The following SHTN1 variants were observed in gnomAD, a reference collection of about 807,000 sequenced individuals.
The protein encoded by SHTN1 is shootin-1.
Under a neutral mutation model 83.1 loss-of-function variants are expected in SHTN1, and 42 were observed. The ratio of observed to expected loss-of-function variants is 0.51; its 90% confidence interval spans 0.39 to 0.65. The LOEUF (loss-of-function observed/expected upper bound fraction) is 0.65. SHTN1 is among the 30% of genes least tolerant of loss of function. SHTN1 has a pLI of 0.00. For missense variants in SHTN1, 622 were observed against 737.8 expected, an observed-to-expected ratio of 0.84 and a Z score of 1.82; for synonymous variants, 224 against 247.7, an observed-to-expected ratio of 0.90 and a Z score of 0.90.
intron 1 of SHTN1, among the ~76,000 whole-genome samples, chr10:117,063,463 T>C (rs1852930337): frequency 6.6e-6 from 1 of 152,204 alleles, no homozygotes; most frequent in Non-Finnish European, 1.5e-5. Context: ...GTAGTATTAA[T>C]ATCAGGTTAT....
At chr10:116,994,500 G>A (rs1851558304) in intron 1 of SHTN1, among the ~76,000 whole-genome samples, 1 of 152,058 alleles carries the variant, frequency 6.6e-6, no homozygotes, top group Non-Finnish European at 1.5e-5. Flanking sequence ...TTAGTCAACT[G>A]TAGAGACAGA....
intron 1 of SHTN1, among the ~76,000 whole-genome samples, chr10:117,078,113 T>C (rs942124691): frequency 6.6e-6 from 1 of 152,234 alleles, no homozygotes; most frequent in East Asian, 1.9e-4. Flanking sequence ...CAAATCATTA[T>C]GCCCAGATCA....
In SHTN1 at chr10:116,929,900, C is replaced by T; in HGVS notation, c.961G>A (p.Glu321Lys). ...ELLEEDKKEL[E>K]LKYQNSEEKA... is the part of the protein sequence containing the mutation. ...TCTTCAGAATTCTGATATTTCAATT[C>T]CAATTCCTTTTTATCTTCCTCTAGA... The change falls in exon 10 of 17, where the codon GAA becomes AAA. Residue 321 changes from glutamate to lysine, a missense_variant. Transcript: ENST00000355371. The T allele has an allele frequency of 6.2e-7, 1 of 1,610,016 alleles. No individual in the cohort carries two copies. The highest frequency in any genetic ancestry group is 8.5e-7 in the Non-Finnish European group (1 of 1,178,008).
rs1589934880 is a variant in SHTN1, at chr10:117,106,508, G to A, written c.-189+19799C>T. Among the ~76,000 whole-genome samples, 7 of 152,098 alleles carry A rather than the reference G, an allele frequency of 4.6e-5. No homozygotes were observed. In the South Asian group the frequency reaches 1.2e-3, roughly 27 times the overall value. On this transcript the variant is annotated intron_variant, in intron 1 of 17. Transcript: ENST00000392901. ...CTAATGATGTCCTATGTTGAGACCAGAGCCACTGAGGGACAGCAGAAACAG... is the reference window on the plus strand; with the variant it reads ...CTAATGATGTCCTATGTTGAGACCAAAGCCACTGAGGGACAGCAGAAACAG...
chr10:117,079,795 G>A (rs1433577458), intron 1 of SHTN1, among the ~76,000 whole-genome samples: 1 of 146,670 alleles, frequency 6.8e-6, no homozygotes, highest in African/African-American at 2.5e-5. Flanking sequence ...CAGTGATGAT[G>A]AGCACTTTTT....
chr10:117,093,218 A>G (rs952763785), intron 1 of SHTN1, among the ~76,000 whole-genome samples: 5 of 152,182 alleles, frequency 3.3e-5, no homozygotes, highest in Admixed American at 6.5e-5. Flanking sequence ...AGATACATAC[A>G]ATTAGAAATT....
At chr10:117,051,415 A>T (rs1946761) in intron 1 of SHTN1, among the ~76,000 whole-genome samples, 134,870 of 152,184 alleles carry the variant, frequency 0.89, 61,093 homozygotes, top group Non-Finnish European at 0.98. Flanking sequence ...ACTCATTCCA[A>T]GAAGCCAGCA....
At chr10:117,017,121 T>G (rs2901108) in intron 2 of SHTN1, among the ~76,000 whole-genome samples, 136,763 of 152,150 alleles carry the variant, frequency 0.9, 63,174 homozygotes, top group Non-Finnish European at 1. Context: ...AGAAAAGATG[T>G]AGGGCATGTC....
intron 9 of SHTN1, among the ~76,000 whole-genome samples, chr10:116,932,387 G>A (rs1164802942): frequency 6.6e-6 from 1 of 152,182 alleles, no homozygotes; most frequent in Non-Finnish European, 1.5e-5. Flanking sequence ...ACACGCGAGG[G>A]ATCCAGGTTG....
intron 1 of SHTN1, among the ~76,000 whole-genome samples, chr10:117,107,895 A>G (rs1853696072): frequency 6.6e-6 from 1 of 152,168 alleles, no homozygotes; most frequent in Non-Finnish European, 1.5e-5. Context: ...GTGTGATCAC[A>G]GCTCATTGCA....
intron 11 of SHTN1, among the ~76,000 whole-genome samples, chr10:116,926,466 G>A (rs1195070009): frequency 6.6e-6 from 1 of 152,106 alleles, no homozygotes; most frequent in South Asian, 2.1e-4. Flanking sequence ...ATTGACTCTT[G>A]GATCGATCAC....
intron 4 of SHTN1, among the ~76,000 whole-genome samples, chr10:116,955,879 A>G (rs1021944511): frequency 6.6e-6 from 1 of 152,152 alleles, no homozygotes; most frequent in African/African-American, 2.4e-5. Flanking sequence ...TGCACACATT[A>G]CATTAGGAGA....
chr10:116,897,775 G>C (rs915885028), intron 16 of SHTN1, among the ~76,000 whole-genome samples: 1 of 152,154 alleles, frequency 6.6e-6, no homozygotes, highest in African/African-American at 2.4e-5. Flanking sequence ...GGCAGACCCA[G>C]GATCTGAACC....
chr10:117,078,184 A>G (rs1336688747), intron 1 of SHTN1, among the ~76,000 whole-genome samples: 2 of 152,200 alleles, frequency 1.3e-5, no homozygotes, highest in Non-Finnish European at 2.9e-5. Context: ...AAGATCCTGA[A>G]GCACGTCTTT....
In SHTN1 at chr10:116,883,878, C is replaced by G. The variant is rs1324225398; in HGVS notation, c.*2466G>C. ...ACTTTGTTTGAGACCAGCTCACATA[C>G]AAAAGGGTGCAAGTGCTTTAATTAA... is the stretch of plus-strand genomic sequence containing the variant. On this transcript the variant is annotated 3_prime_UTR_variant, in exon 17 of 17. Transcript: ENST00000355371. 1 of 198,944 alleles carries G rather than the reference C, an allele frequency of 5.0e-6. No homozygotes were observed. Among genetic ancestry groups the G allele is most frequent in the Non-Finnish European group, 1.1e-5 (1 of 94,730 alleles). The allele number at this position is 198,944 out of a possible 1,614,324, so 12.3% of individuals were successfully genotyped here. A position where few individuals can be genotyped will look rare whatever the true frequency, so the allele number is the denominator to read the frequency against.
chr10:116,978,073 G>C (rs1850873508), intron 2 of SHTN1, among the ~76,000 whole-genome samples: 1 of 152,044 alleles, frequency 6.6e-6, no homozygotes, highest in South Asian at 2.1e-4. Context: ...GAACACCAAG[G>C]ATTTATTTAC....
At chr10:116,905,056 C>G (rs1261202414) in intron 15 of SHTN1, among the ~76,000 whole-genome samples, 1 of 151,548 alleles carries the variant, frequency 6.6e-6, no homozygotes, top group East Asian at 1.9e-4. Context: ...AAAAAATTAG[C>G]CGGGCGCGGT....
chr10:116,995,306 G>T (rs940885512), intron 1 of SHTN1, among the ~76,000 whole-genome samples: 1 of 152,116 alleles, frequency 6.6e-6, no homozygotes, highest in Non-Finnish European at 1.5e-5. Flanking sequence ...AGTGGACTAG[G>T]TATGAACTCC....
chr10:117,045,609 C>A (rs977806688), intron 2 of SHTN1, among the ~76,000 whole-genome samples: 12 of 152,192 alleles, frequency 7.9e-5, no homozygotes, highest in African/African-American at 2.7e-4. Context: ...ACACATACAA[C>A]TATGGCAAAC....
Sources: gnomAD v4.1 joint callset for allele counts (sites outside exome capture counted in the v4.1 genomes callset) on GRCh38, gnomAD v4.1.1 for gene constraint, MANE v1.5 for transcripts, NCBI Gene and HGNC (gene_info 2026-07-23, HGNC 2026-07-21) for gene names.